Variants in PTPN2 observed in about 807,000 individuals in gnomAD.
The protein encoded by PTPN2 is protein tyrosine phosphatase non-receptor type 2, also known as tyrosine-protein phosphatase non-receptor type 2.
PTPN2 carries 19 observed loss-of-function variants against 57.3 expected under a neutral mutation model. The observed-to-expected ratio is 0.33, with a 90% CI of 0.23 to 0.49. The LOEUF (loss-of-function observed/expected upper bound fraction) is 0.49. Among genes scored for constraint, PTPN2 ranks in the 20% least tolerant of loss-of-function variants. The pLI, the probability that PTPN2 is intolerant of heterozygous loss-of-function variation, is 0.99. For missense variants in PTPN2, 358 were observed against 501.1 expected (o/e 0.71, Z 2.73); for synonymous variants, 153 against 164.9 (o/e 0.93, Z 0.55).
At chr18:12,870,275 A>ATATATATACATATACATATATATGTC (rs2044147714) in intron 1 of PTPN2, among the ~76,000 whole-genome samples, 1 of 70,986 alleles carries the variant, frequency 1.4e-5, no homozygotes, top group South Asian at 5.8e-4. Flanking sequence ...ATATATATGT[A>ATATATATACATATACATATATATGTC]TATATATACA....
chr18:12,865,302 G>A (rs995465211), intron 1 of PTPN2, among the ~76,000 whole-genome samples: 3 of 151,942 alleles, frequency 2.0e-5, no homozygotes, highest in East Asian at 1.9e-4. Flanking sequence ...AGGCATGGTG[G>A]TACACATCTG....
chr18:12,814,665 T>A (rs983828078), intron 6 of PTPN2, among the ~76,000 whole-genome samples: 1 of 152,154 alleles, frequency 6.6e-6, no homozygotes, highest in African/African-American at 2.4e-5. Context: ...TTATAACCAG[T>A]TCTGGCTAGT....
At chr18:12,813,552 CAT>C (rs1419033569) in intron 7 of PTPN2, among the ~76,000 whole-genome samples, 10 of 152,184 alleles carry the variant, frequency 6.6e-5, no homozygotes, top group Admixed American at 2.6e-4. Context: ...TATGTTCACA[CAT>C]GAGAAACATA....
chr18:12,848,350 G>C (rs674222), intron 2 of PTPN2, among the ~76,000 whole-genome samples: 47,513 of 152,116 alleles, frequency 0.31, 8,860 homozygotes, highest in Admixed American at 0.41. Context: ...AGTGGTGATG[G>C]TTTTAAAATA....
intron 1 of PTPN2, among the ~76,000 whole-genome samples, chr18:12,860,880 G>C (rs899954722): frequency 6.6e-6 from 1 of 151,934 alleles, no homozygotes; most frequent in African/African-American, 2.4e-5. Context: ...AGTGTTCTAA[G>C]AATTCAAGTA....
chr18:12,825,722 GTGCT>G, intron 5 of PTPN2, 84 bp downstream of exon 5: 1 of 1,304,792 alleles, frequency 7.7e-7, no homozygotes, highest in Non-Finnish European at 1.1e-6. Context: ...CCAAATGCAT[GTGCT>G]TATCAAACTT....
intron 9 of PTPN2, chr18:12,786,361 T>C (rs771248042): frequency 1.3e-5 from 2 of 152,632 alleles, no homozygotes; most frequent in Non-Finnish European, 2.9e-5. Flanking sequence ...CACAGGTTGT[T>C]AGCAGATGCT....
chr18:12,879,184 T>C (rs1465310262), intron 1 of PTPN2, among the ~76,000 whole-genome samples: 1 of 152,182 alleles, frequency 6.6e-6, no homozygotes, highest in Non-Finnish European at 1.5e-5. Context: ...TGTCACCTAG[T>C]CTGTAGTGCA....
At chr18:12,855,678 AG>A (rs772572150) in intron 2 of PTPN2, among the ~76,000 whole-genome samples, 1 of 152,140 alleles carries the variant, frequency 6.6e-6, no homozygotes, top group Non-Finnish European at 1.5e-5. Flanking sequence ...CGAGGGCATG[AG>A]GACAGCAAGG....
intron 8 of PTPN2, among the ~76,000 whole-genome samples, chr18:12,797,333 G>A (rs973886469): frequency 2.0e-5 from 3 of 151,598 alleles, no homozygotes; most frequent in African/African-American, 7.3e-5. Context: ...CTAGTATTTT[G>A]TCATTTACCA....
chr18:12,797,919 G>T (rs1025193379), intron 8 of PTPN2, among the ~76,000 whole-genome samples: 60 of 152,182 alleles, frequency 3.9e-4, no homozygotes, highest in Non-Finnish European at 7.9e-4. Context: ...TAGAGACAGG[G>T]TTTGCCATGT....
rs73406769 is a variant in PTPN2, at chr18:12,866,069, G to A, written c.70-6815C>T. 5.1e-3 allele frequency among the ~76,000 whole-genome samples: 774 copies of A among 152,270 alleles called. 6 individuals are homozygous for A. The highest frequency in any genetic ancestry group is 0.017 in the African/African-American group (703 of 41,548). On this transcript the variant is annotated intron_variant, in intron 1 of 8. Transcript: ENST00000309660. ...CAAAATGGTATATATCTATATAATG[G>A]AATCTTACTAACTTAGAAGAAGAAA...
intron 2 of PTPN2, among the ~76,000 whole-genome samples, chr18:12,854,360 GAAAAAA>G (rs11460042): frequency 6.7e-5 from 8 of 119,268 alleles, no homozygotes; most frequent in Admixed American, 2.9e-4. Context: ...ACCCTGTCTT[GAAAAAA>G]AAAAAAAAAG....
chr18:12,809,705 C>A (rs983670913), intron 7 of PTPN2, among the ~76,000 whole-genome samples: 2 of 152,176 alleles, frequency 1.3e-5, no homozygotes, highest in African/African-American at 4.8e-5. Flanking sequence ...TGTAACATTG[C>A]AACTTAAAGT....
At chr18:12,872,687 T>C (rs935601310) in intron 1 of PTPN2, among the ~76,000 whole-genome samples, 2 of 151,728 alleles carry the variant, frequency 1.3e-5, no homozygotes, top group African/African-American at 4.9e-5. Flanking sequence ...GGGGATTGTA[T>C]TTGTGCGGAC....
intron 1 of PTPN2, among the ~76,000 whole-genome samples, chr18:12,876,090 T>C (rs2044477632): frequency 6.6e-6 from 1 of 152,044 alleles, no homozygotes; most frequent in Non-Finnish European, 1.5e-5. Context: ...ATCTGTGCAG[T>C]GAGCCGTGAT....
At chr18:12,870,347 A>G (rs1172370205) in intron 1 of PTPN2, among the ~76,000 whole-genome samples, 9 of 47,060 alleles carry the variant, frequency 1.9e-4, no homozygotes, top group African/African-American at 9.3e-4. Context: ...ATATACATAT[A>G]TATGTGTATA....
chr18:12,791,880 C>A (rs192204278), downstream of PTPN2, among the ~76,000 whole-genome samples: 8 of 152,300 alleles, frequency 5.3e-5, no homozygotes, highest in Admixed American at 5.2e-4. Flanking sequence ...CAAGTCTTCA[C>A]CTGTGTACCG....
At chr18:12,853,504 G>C (rs992563376) in intron 2 of PTPN2, among the ~76,000 whole-genome samples, 3 of 152,136 alleles carry the variant, frequency 2.0e-5, no homozygotes, top group African/African-American at 7.2e-5. Context: ...CACCATCCCA[G>C]CTTTTAAAAA....
Sources: gnomAD v4.1 joint callset for allele counts (sites outside exome capture counted in the v4.1 genomes callset) on GRCh38, gnomAD v4.1.1 for gene constraint, MANE v1.5 for transcripts, NCBI Gene and HGNC (gene_info 2026-07-23, HGNC 2026-07-21) for gene names.